Variants in SATB1 observed in about 807,000 individuals in gnomAD.
SATB1 encodes the protein SATB homeobox 1, also known as DNA-binding protein SATB1.
In SATB1, 11 loss-of-function variants were observed where a neutral mutation model predicts 86.9. The ratio of observed to expected loss-of-function variants is 0.13; its 90% CI spans 0.08 to 0.21. SATB1 has a LOEUF of 0.21. Ranked by LOEUF, SATB1 falls within the 10% of genes least tolerant of loss-of-function variation. SATB1 has a pLI of 1.00. For missense variants in SATB1, 551 were observed against 937.6 expected (o/e 0.59, Z 5.39); for synonymous variants, 357 against 357.2 (o/e 1.00, Z 0.01).
At chr3:18,440,994 G>T (rs1335275988), upstream of SATB1, among the ~76,000 whole-genome samples, 1 of 152,172 alleles carries the variant, frequency 6.6e-6, no homozygotes, top group East Asian at 1.9e-4. Context: ...TTAATTAAAA[G>T]CACCTGGCAC....
In SATB1 at chr3:18,394,589, G is replaced by C; in HGVS notation, c.1079C>G (p.Pro360Arg). 1 of 1,614,154 alleles carries C rather than the reference G, an allele frequency of 6.2e-7. No individual in the cohort carries two copies. The highest frequency in any genetic ancestry group is 8.5e-7 in the Non-Finnish European group (1 of 1,180,018). Reference protein sequence around the residue: ...PPPVSRSMNKPLEQQVSTNTE... With the variant: ...PPPVSRSMNKRLEQQVSTNTE... ...GTTGGTCGAAACCTGTTGCTCCAAA[G>C]GCTTATTCATAGATCTACTGACAGG... The change falls in exon 7 of 11, where the codon CCT becomes CGT. Residue 360 changes from proline (P) to arginine (R), a missense_variant. Around this residue, in one of 8 missense-constraint regions of SATB1, gnomAD observed 119 missense variants for 171.1 expected, o/e 0.70. Coordinates refer to ENST00000338745, the MANE Select transcript of SATB1 (RefSeq NM_002971.6). This position sits in a 1 kb window ranked among gnomAD's most constrained non-coding sequence, Gnocchi z 5.9.
intron 8 of SATB1, among the ~76,000 whole-genome samples, chr3:18,383,854 A>G (rs992622101): frequency 6.6e-6 from 1 of 152,132 alleles, no homozygotes; most frequent in Non-Finnish European, 1.5e-5. Context: ...AATTTAATTC[A>G]TTTAATCATG....
intron 6 of SATB1, 150 bp downstream of exon 6, chr3:18,397,029 T>C (rs1696995467): frequency 1.7e-6 from 1 of 594,424 alleles, no homozygotes; most frequent in Non-Finnish European, 3.0e-6. Flanking sequence ...TATCTCATTA[T>C]ACTCATACCC....
rs1178615707 is a variant in SATB1, at chr3:18,352,008, G to A, written c.1763C>T (p.Pro588Leu). The A allele has an allele frequency of 6.2e-7, 1 of 1,614,194 alleles. No homozygotes were observed. Among genetic ancestry groups the A allele is most frequent in the Non-Finnish European group, 8.5e-7 (1 of 1,180,032 alleles). ...TAAACGAACCTGAATCTGCTCTGCT[G>A]GAACATGGATAATGTGGGGCGGCCT... ...GDRPPHIIHV[P>L]AEQIQQQQQQ... is the part of the protein sequence containing the mutation. The change falls in exon 10 of 11, where the codon CCA (proline) becomes CTA (leucine). Residue 588 changes from proline (P) to leucine (L), a missense_variant. Pro to Leu is a moderately conservative substitution (Grantham distance 98). Coordinates refer to ENST00000338745, the MANE Select transcript of SATB1 (RefSeq NM_002971.6). This position sits in a 1 kb window ranked among gnomAD's most constrained non-coding sequence, Gnocchi z 4.1.
chr3:18,422,965 A>G (rs1698468477), intron 1 of SATB1, among the ~76,000 whole-genome samples: 1 of 152,234 alleles, frequency 6.6e-6, no homozygotes, highest in African/African-American at 2.4e-5. Flanking sequence ...ACCCACCTAT[A>G]AGCATCTATT....
intron 9 of SATB1, among the ~76,000 whole-genome samples, chr3:18,376,623 T>C (rs1271136688): frequency 3.3e-5 from 5 of 152,066 alleles, no homozygotes; most frequent in Non-Finnish European, 7.4e-5. Context: ...AAATGCGTAG[T>C]CTTGGCATGT....
intron 3 of SATB1, 140 bp downstream of exon 3, chr3:18,416,762 A>AT: frequency 1.2e-6 from 1 of 832,834 alleles, no homozygotes; most frequent in South Asian, 2.3e-5. Flanking sequence ...AATTAAGCCA[A>AT]TTTTTTAAAG....
At chr3:18,432,415 C>G (rs13320991) in intron 2 of SATB1, among the ~76,000 whole-genome samples, 1,563 of 152,190 alleles carry the variant, frequency 0.01, 30 homozygotes, top group African/African-American at 0.036. Flanking sequence ...AAAGAATTCG[C>G]GATAACAATG....
intron 7 of SATB1, among the ~76,000 whole-genome samples, chr3:18,387,736 C>A (rs749721640): frequency 6.6e-6 from 1 of 152,028 alleles, no homozygotes; most frequent in Non-Finnish European, 1.5e-5. Flanking sequence ...GTCAGGATTT[C>A]TATATAATTT....
chr3:18,422,338 C>A (rs1698435077), intron 1 of SATB1, among the ~76,000 whole-genome samples: 2 of 152,050 alleles, frequency 1.3e-5, no homozygotes, highest in African/African-American at 4.8e-5. Flanking sequence ...CTACTTCTTA[C>A]CATATAATCA....
chr3:18,410,153 C>T (rs577422897), intron 5 of SATB1, among the ~76,000 whole-genome samples: 1 of 152,090 alleles, frequency 6.6e-6, no homozygotes, highest in African/African-American at 2.4e-5. Flanking sequence ...ACTTTTAAAA[C>T]AAGACAACAT....
chr3:18,388,561 A>C (rs1260567765), intron 7 of SATB1, among the ~76,000 whole-genome samples: 1 of 152,132 alleles, frequency 6.6e-6, no homozygotes, highest in East Asian at 1.9e-4. Context: ...ATGTTTGATA[A>C]GTATTTACTA....
chr3:18,387,740 A>G (rs955702798), intron 7 of SATB1, among the ~76,000 whole-genome samples: 10 of 152,290 alleles, frequency 6.6e-5, no homozygotes, highest in East Asian at 3.9e-4. Flanking sequence ...GGATTTCTAT[A>G]TAATTTGCAA....
At position 18,392,606 on chromosome 3, in the gene SATB1, C is replaced by CGT. The variant is rs1559428246; in HGVS notation, c.1206+1855_1206+1856insAC. On this transcript the variant is annotated intron_variant, in intron 7 of 10. Transcript: ENST00000338745. ...ACACATATATATACACATATATATA[C>CGT]ATATATATATAATTTGTGTCTATGT... 3.3e-5 allele frequency among the ~76,000 whole-genome samples: 5 copies of CGT among 151,256 alleles called. No individual in the cohort carries two copies. The East Asian group carries it at 7.7e-4, about 23-fold the overall frequency.
At chr3:18,393,210 GAGTC>G (rs996742156) in intron 7 of SATB1, among the ~76,000 whole-genome samples, 1 of 152,074 alleles carries the variant, frequency 6.6e-6, no homozygotes, top group African/African-American at 2.4e-5. Context: ...AGGAAAATGT[GAGTC>G]AGGTCAAAAA....
chr3:18,445,290 C>T, intron 1 of SATB1: 4 of 982,962 alleles, frequency 4.1e-6, no homozygotes, highest in Non-Finnish European at 4.8e-6. Context: ...CGAGCCCGAG[C>T]CGCCGCCGCC....
intron 9 of SATB1, among the ~76,000 whole-genome samples, chr3:18,356,623 C>A (rs893585894): frequency 1.3e-5 from 2 of 151,726 alleles, no homozygotes; most frequent in African/African-American, 2.4e-5. Flanking sequence ...TCTTGTTGTA[C>A]CACATTTAAA....
intron 7 of SATB1, among the ~76,000 whole-genome samples, chr3:18,391,560 G>C (rs910472145): frequency 8.2e-6 from 1 of 121,616 alleles, no homozygotes; most frequent in African/African-American, 3.3e-5. Flanking sequence ...CCCAGAGTGT[G>C]ATATTCCCCT....
At chr3:18,395,923 T>C (rs1028124198) in intron 6 of SATB1, among the ~76,000 whole-genome samples, 10 of 152,208 alleles carry the variant, frequency 6.6e-5, no homozygotes, top group Non-Finnish European at 1.5e-4. Flanking sequence ...AACAGGACTT[T>C]CCAAATTGTA....
Sources: allele counts gnomAD v4.1 joint callset (sites outside exome capture counted in the v4.1 genomes callset), GRCh38; gene constraint gnomAD v4.1.1; regional missense constraint gnomAD v4.1.1; non-coding constraint Gnocchi (gnomAD v3.1); transcripts MANE v1.5; gene names NCBI Gene and HGNC (gene_info 2026-07-23, HGNC 2026-07-21).